The following ANTXR2 variants were observed in gnomAD, a reference collection of about 807,000 sequenced individuals.
ANTXR2 encodes anthrax toxin receptor 2.
ANTXR2 carries 44 observed loss-of-function variants against 73.7 expected under a neutral mutation model. That is an observed-to-expected ratio of 0.60 (90% CI 0.47 to 0.77). The LOEUF (loss-of-function observed/expected upper bound fraction) is 0.77, where lower values mean the gene tolerates loss of function less well. ANTXR2 is among the 30% of genes least tolerant of loss of function. The pLI is 0.00. For missense variants in ANTXR2, 604 were observed against 592.5 expected (o/e 1.02, Z -0.20); for synonymous variants, 217 against 205.9 (o/e 1.05, Z -0.46).
chr4:79,946,288 A>G (rs2109976411), intron 16 of ANTXR2, among the ~76,000 whole-genome samples: 1 of 152,266 alleles, frequency 6.6e-6, no homozygotes, highest in African/African-American at 2.4e-5. Flanking sequence ...TGCCTCTGCA[A>G]ACAAACTCTA....
intron 16 of ANTXR2, among the ~76,000 whole-genome samples, chr4:79,963,323 C>G (rs1016101597): frequency 6.6e-6 from 1 of 152,028 alleles, no homozygotes; most frequent in Non-Finnish European, 1.5e-5. Flanking sequence ...ATTCTCGGGT[C>G]CCTTTTAAAT....
intron 7 of ANTXR2, among the ~76,000 whole-genome samples, chr4:80,051,622 G>A (rs962467163): frequency 1.3e-5 from 2 of 151,558 alleles, no homozygotes; most frequent in Non-Finnish European, 3.0e-5. Flanking sequence ...CTAAAACAAT[G>A]CATTTTCCCC....
chr4:79,923,496 G>A (rs1392083514), intron 16 of ANTXR2, among the ~76,000 whole-genome samples: 1 of 152,084 alleles, frequency 6.6e-6, no homozygotes, highest in East Asian at 1.9e-4. Context: ...GAAACAAGTA[G>A]GCATCGGAGA....
intron 8 of ANTXR2, among the ~76,000 whole-genome samples, chr4:80,033,951 G>A (rs1411739214): frequency 1.3e-5 from 2 of 152,070 alleles, no homozygotes; most frequent in African/African-American, 4.8e-5. Flanking sequence ...CTACTCTCAG[G>A]TATTAAAGTT....
At chr4:79,934,542 C>CA (rs755634385) in intron 16 of ANTXR2, among the ~76,000 whole-genome samples, 44,158 of 137,964 alleles carry the variant, frequency 0.32, 8,176 homozygotes, top group Non-Finnish European at 0.41. Context: ...ACAACAACAA[C>CA]AAAAAAAAAA....
chr4:80,065,956 C>A (rs1734476393), intron 3 of ANTXR2, among the ~76,000 whole-genome samples: 1 of 152,046 alleles, frequency 6.6e-6, no homozygotes, highest in Non-Finnish European at 1.5e-5. Context: ...ATGCAGAATT[C>A]CAATTTCTAG....
chr4:80,060,848 G>A (rs190171208), intron 3 of ANTXR2, among the ~76,000 whole-genome samples: 40 of 152,276 alleles, frequency 2.6e-4, no homozygotes, highest in African/African-American at 9.6e-4. Flanking sequence ...CCCAAAATTA[G>A]TGGTTATCAG....
intron 16 of ANTXR2, among the ~76,000 whole-genome samples, chr4:79,964,470 G>A (rs934206485): frequency 1.3e-5 from 2 of 152,198 alleles, no homozygotes; most frequent in African/African-American, 4.8e-5. Context: ...GGTTGTTTAT[G>A]TGGAGACTTC....
At chr4:80,019,290 C>CT (rs1357526604) in intron 10 of ANTXR2, among the ~76,000 whole-genome samples, 1 of 152,156 alleles carries the variant, frequency 6.6e-6, no homozygotes, top group African/African-American at 2.4e-5. Context: ...TTGCTGGAAC[C>CT]TGGGAGGCGG....
chr4:79,973,168 A>G (rs1034215171), intron 16 of ANTXR2, among the ~76,000 whole-genome samples: 4 of 152,200 alleles, frequency 2.6e-5, no homozygotes, highest in Non-Finnish European at 4.4e-5. Context: ...AGATGGTGAA[A>G]CCAAAATAGT....
intron 2 of ANTXR2, among the ~76,000 whole-genome samples, chr4:80,070,772 A>G (rs1455228192): frequency 1.3e-5 from 2 of 152,220 alleles, no homozygotes; most frequent in African/African-American, 4.8e-5. Flanking sequence ...CATTTGGGCT[A>G]ACAAGACTGA....
At chr4:80,018,786 T>C (rs1732003117) in intron 11 of ANTXR2, 112 bp downstream of exon 11, 4 of 900,080 alleles carry the variant, frequency 4.4e-6, no homozygotes, top group Non-Finnish European at 6.5e-6. Flanking sequence ...TGGTCTCCAA[T>C]GTTATTGTTT....
chr4:79,998,342 C>T (rs1730835573), intron 12 of ANTXR2, among the ~76,000 whole-genome samples: 1 of 151,940 alleles, frequency 6.6e-6, no homozygotes, highest in African/African-American at 2.4e-5. Flanking sequence ...AGAACATTGG[C>T]CAAGGACACT....
At chr4:80,062,740 G>A (rs1265547133) in intron 3 of ANTXR2, among the ~76,000 whole-genome samples, 1 of 152,208 alleles carries the variant, frequency 6.6e-6, no homozygotes, top group African/African-American at 2.4e-5. Flanking sequence ...TTGAAAACTG[G>A]AGAAGGAGAA....
At chr4:79,949,622 T>C (rs1728632725) in intron 16 of ANTXR2, among the ~76,000 whole-genome samples, 1 of 152,298 alleles carries the variant, frequency 6.6e-6, no homozygotes, top group Admixed American at 6.5e-5. Context: ...AGTGAAGCTT[T>C]GATGTCAGGA....
At chr4:80,023,802 A>G (rs1039316244) in intron 10 of ANTXR2, among the ~76,000 whole-genome samples, 14 of 152,222 alleles carry the variant, frequency 9.2e-5, no homozygotes, top group African/African-American at 1.2e-4. Flanking sequence ...TCCAGCAACA[A>G]AAGAGGGTGA....
chr4:80,067,373 C>G (rs900813935), intron 3 of ANTXR2, among the ~76,000 whole-genome samples: 2 of 152,352 alleles, frequency 1.3e-5, no homozygotes, highest in East Asian at 3.9e-4. Flanking sequence ...GTGACCTACA[C>G]TTCATCTTCA....
intron 2 of ANTXR2, among the ~76,000 whole-genome samples, chr4:80,071,351 T>C (rs955997599): frequency 2.0e-5 from 3 of 152,204 alleles, no homozygotes; most frequent in African/African-American, 7.2e-5. Context: ...ACATTTGGAA[T>C]AGTATTTGAA....
In ANTXR2 at chr4:80,026,237, A is replaced by T. The variant is rs182567808; in HGVS notation, c.866+5386T>A. ...GTTCTCATGATGGTGAGTGAATCTC[A>T]CGAGATCTGATGGTTTTAAAAGTGG... On this transcript the variant is annotated intron_variant, in intron 10 of 16. Coordinates refer to ENST00000403729, the MANE Select transcript of ANTXR2 (RefSeq NM_058172.6). Among the ~76,000 whole-genome samples, 11 of 152,186 alleles carry T rather than the reference A, an allele frequency of 7.2e-5. No individual in the cohort carries two copies. The East Asian group carries it at 1.5e-3, about 21-fold the overall frequency.
Sources: allele counts gnomAD v4.1 joint callset (sites outside exome capture counted in the v4.1 genomes callset), GRCh38; gene constraint gnomAD v4.1.1; transcripts MANE v1.5; gene names NCBI Gene and HGNC (gene_info 2026-07-23, HGNC 2026-07-21).